The following TNNI3K variants were observed in gnomAD, a reference collection of about 807,000 sequenced individuals.
TNNI3K encodes serine/threonine-protein kinase TNNI3K.
TNNI3K carries 140 observed loss-of-function variants against 114.5 expected under a neutral mutation model. The observed-to-expected ratio is 1.22, with a 90% CI of 1.07 to 1.41. The LOEUF (loss-of-function observed/expected upper bound fraction) is 1.41, where lower values mean the gene tolerates loss of function less well. Among genes scored for constraint, TNNI3K ranks in the 40% most tolerant of loss-of-function variants. TNNI3K has a pLI of 0.00. For missense variants in TNNI3K, 1,125 were observed against 1,007.6 expected (o/e 1.12, Z -1.58); for synonymous variants, 347 against 347.5 (o/e 1.00, Z 0.02).
At chr1:74,455,398 C>T (rs759047389) in intron 20 of TNNI3K, among the ~76,000 whole-genome samples, 32 of 152,088 alleles carry the variant, frequency 2.1e-4, no homozygotes, top group Non-Finnish European at 3.8e-4. Context: ...AATACAAGGA[C>T]ATCAGTCAAA....
chr1:74,482,474 G>T (rs79050197), intron 21 of TNNI3K, among the ~76,000 whole-genome samples: 1 of 152,278 alleles, frequency 6.6e-6, no homozygotes, highest in Non-Finnish European at 1.5e-5. Context: ...ATACTGATTA[G>T]AAACGATATA....
chr1:74,435,990 G>A (rs915854906), intron 17 of TNNI3K, 90 bp from the exon 18 acceptor site: 10 of 1,488,704 alleles, frequency 6.7e-6, no homozygotes, highest in Non-Finnish European at 9.0e-6. Flanking sequence ...AACAAATGAT[G>A]TCTATGGTCC....
chr1:74,529,183 G>T (rs952188525), intron 23 of TNNI3K, among the ~76,000 whole-genome samples: 1 of 152,092 alleles, frequency 6.6e-6, no homozygotes, highest in African/African-American at 2.4e-5. Context: ...ATTACAAAGA[G>T]AAAAAGAGTA....
intron 23 of TNNI3K, among the ~76,000 whole-genome samples, chr1:74,497,614 A>G (rs1669395449): frequency 1.3e-5 from 2 of 151,726 alleles, no homozygotes; most frequent in South Asian, 2.1e-4. Context: ...CTACACACAC[A>G]TACATTCCTC....
intron 5 of TNNI3K, among the ~76,000 whole-genome samples, chr1:74,302,724 G>C (rs930973157): frequency 1.3e-5 from 2 of 152,160 alleles, no homozygotes; most frequent in African/African-American, 4.8e-5. Context: ...AGAGAGATGA[G>C]GAAATGCATA....
intron 17 of TNNI3K, among the ~76,000 whole-genome samples, chr1:74,424,769 T>G (rs1378387458): frequency 6.6e-6 from 1 of 151,612 alleles, no homozygotes; most frequent in Non-Finnish European, 1.5e-5. Context: ...AGAAGGTTGC[T>G]TTGAAGAGTC....
At chr1:74,379,964 TCTTA>T (rs1663115696) in intron 17 of TNNI3K, among the ~76,000 whole-genome samples, 1 of 152,188 alleles carries the variant, frequency 6.6e-6, no homozygotes, top group African/African-American at 2.4e-5. Flanking sequence ...AAAATAGTGC[TCTTA>T]CTTAACACCC....
chr1:74,357,480 A>C (rs1241543169), intron 11 of TNNI3K, among the ~76,000 whole-genome samples: 1 of 152,106 alleles, frequency 6.6e-6, no homozygotes, highest in Non-Finnish European at 1.5e-5. Flanking sequence ...CCTTCTTTCT[A>C]CTATTCTGAT....
chr1:74,441,166 G>A (rs1036238857), intron 20 of TNNI3K, among the ~76,000 whole-genome samples: 1 of 152,050 alleles, frequency 6.6e-6, no homozygotes, highest in Non-Finnish European at 1.5e-5. Context: ...ATATACAGCT[G>A]TATAACCACA....
chr1:74,324,384 A>G (rs1659786782), intron 5 of TNNI3K, among the ~76,000 whole-genome samples: 1 of 152,242 alleles, frequency 6.6e-6, no homozygotes, highest in East Asian at 1.9e-4. Context: ...TGTCAACTGC[A>G]AACAGTAACA....
chr1:74,430,296 A>G (rs1665832058), intron 17 of TNNI3K, among the ~76,000 whole-genome samples: 1 of 152,168 alleles, frequency 6.6e-6, no homozygotes, highest in Non-Finnish European at 1.5e-5. Flanking sequence ...GGCAATTAAA[A>G]TGAAAAGACT....
chr1:74,528,544 A>G (rs1367350270), intron 23 of TNNI3K, among the ~76,000 whole-genome samples: 4 of 152,184 alleles, frequency 2.6e-5, no homozygotes, highest in African/African-American at 9.7e-5. Context: ...TTCAGGGACA[A>G]TGATCAAATA....
At chr1:74,506,939 T>C (rs1044746235) in intron 23 of TNNI3K, among the ~76,000 whole-genome samples, 4 of 152,206 alleles carry the variant, frequency 2.6e-5, no homozygotes, top group African/African-American at 7.2e-5. Context: ...GTATCATGTC[T>C]CTGTTGAATA....
intron 17 of TNNI3K, among the ~76,000 whole-genome samples, chr1:74,426,338 G>T (rs1270202930): frequency 6.6e-6 from 1 of 152,074 alleles, no homozygotes; most frequent in Non-Finnish European, 1.5e-5. Context: ...GTCAAGCTCT[G>T]CAGGAGCAAA....
chr1:74,394,919 C>G (rs971343734), intron 17 of TNNI3K, among the ~76,000 whole-genome samples: 1 of 151,970 alleles, frequency 6.6e-6, no homozygotes. Context: ...TGGCGGGCAC[C>G]TGTAGTCCCA....
intron 17 of TNNI3K, among the ~76,000 whole-genome samples, chr1:74,401,663 A>T (rs983550844): frequency 3.3e-5 from 5 of 152,208 alleles, no homozygotes; most frequent in Non-Finnish European, 5.9e-5. Context: ...TAATTCTCCC[A>T]TTAGGAGGTT....
chr1:74,500,846 T>C (rs1669588670), intron 23 of TNNI3K, among the ~76,000 whole-genome samples: 1 of 151,958 alleles, frequency 6.6e-6, no homozygotes, highest in African/African-American at 2.4e-5. Flanking sequence ...ATGAATCTAA[T>C]TGTTATTTCT....
chr1:74,328,974 C>G (rs1030914089), intron 5 of TNNI3K, among the ~76,000 whole-genome samples: 7 of 152,078 alleles, frequency 4.6e-5, no homozygotes, highest in Admixed American at 1.3e-4. Flanking sequence ...GCATGTGAAG[C>G]CTAAAGATAC....
At chr1:74,423,143 A>G (rs1665478650) in intron 17 of TNNI3K, among the ~76,000 whole-genome samples, 1 of 151,894 alleles carries the variant, frequency 6.6e-6, no homozygotes, top group South Asian at 2.1e-4. Context: ...TCAGATGCCA[A>G]AGGTCGCTTC....
Sources: gnomAD v4.1 joint callset for allele counts (sites outside exome capture counted in the v4.1 genomes callset) on GRCh38, gnomAD v4.1.1 for gene constraint, MANE v1.5 for transcripts, NCBI Gene and HGNC (gene_info 2026-07-23, HGNC 2026-07-21) for gene names.